Variants in PRKAR2B observed in about 807,000 individuals in gnomAD.
PRKAR2B encodes protein kinase cAMP-dependent type II regulatory subunit beta.
A neutral mutation model predicts 49.9 loss-of-function variants in PRKAR2B; 14 were observed. That is an observed-to-expected ratio of 0.28 (90% CI 0.19 to 0.44). PRKAR2B has a LOEUF of 0.44. PRKAR2B is among the 20% of genes least tolerant of loss of function. The pLI, the probability that PRKAR2B is intolerant of heterozygous loss-of-function variation, is 1.00. For synonymous variants in PRKAR2B, 196 were observed against 197.7 expected (o/e 0.99, Z 0.07); for missense variants, 393 against 537.9 (o/e 0.73, Z 2.67).
At chr7:107,146,171 G>A in intron 5 of PRKAR2B, 137 bp from the exon 6 acceptor site, 2 of 850,414 alleles carry the variant, frequency 2.4e-6, no homozygotes, top group Non-Finnish European at 1.8e-6. Flanking sequence ...GGCACAGATT[G>A]ATTCCCCTTT....
At chr7:107,137,494 A>G (rs1795719003) in intron 4 of PRKAR2B, among the ~76,000 whole-genome samples, 1 of 152,212 alleles carries the variant, frequency 6.6e-6, no homozygotes. Flanking sequence ...GTTTGTTTCC[A>G]GTCTTCTGCT....
chr7:107,088,759 C>T (rs1043673091), intron 2 of PRKAR2B, among the ~76,000 whole-genome samples: 7 of 152,022 alleles, frequency 4.6e-5, no homozygotes, highest in African/African-American at 1.7e-4. Flanking sequence ...GTTACCACGC[C>T]CGGCTAATTT....
chr7:107,128,368 C>T, intron 4 of PRKAR2B, 73 bp downstream of exon 4: 1 of 1,182,358 alleles, frequency 8.5e-7, no homozygotes, highest in South Asian at 1.3e-5. Flanking sequence ...TGTACAGGGT[C>T]TTGAGTTTTG....
rs1230663514 is a variant in PRKAR2B, at chr7:107,142,054, A to G, written c.587+1101A>G. Among the ~76,000 whole-genome samples, 9 of 152,230 alleles carry G rather than the reference A, an allele frequency of 5.9e-5. No homozygotes were observed. In the South Asian group the frequency reaches 1.0e-3, roughly 18 times the overall value. ...AACAATGATAAGTGTTCATGAGACAATTGGCATCCCTGACCCCTCCCCTTG... is the reference window on the plus strand; with the variant it reads ...AACAATGATAAGTGTTCATGAGACAGTTGGCATCCCTGACCCCTCCCCTTG... On this transcript the variant is annotated intron_variant, in intron 5 of 10. Coordinates refer to ENST00000265717, the MANE Select transcript of PRKAR2B (RefSeq NM_002736.3).
At chr7:107,106,777 AC>A (rs1252930836) in intron 2 of PRKAR2B, among the ~76,000 whole-genome samples, 1 of 151,348 alleles carries the variant, frequency 6.6e-6, no homozygotes, top group African/African-American at 2.4e-5. Flanking sequence ...ACCTGGCAGG[AC>A]CCCCCTCAGA....
Position 107,140,906 on chromosome 7 carries a change from T to C in PRKAR2B, c.540T>C (p.His180=). 1 of 1,613,256 alleles carries C rather than the reference T, an allele frequency of 6.2e-7. No homozygotes were observed. Among genetic ancestry groups the C allele is most frequent in the Non-Finnish European group, 8.5e-7 (1 of 1,179,516 alleles). The change falls in exon 5 of 11, where the codon CAT becomes CAC. Residue 180 remains histidine, a synonymous_variant. Transcript: ENST00000265717. ...AAAAATTGGTCAAAGATGGGGAGCA[T>C]GTAATTGATCAAGGTGACGATGGTG... The part of the protein sequence containing the change: ...MFEKLVKDGE[H]VIDQGDDGDN...
At chr7:107,153,294 A>G in intron 8 of PRKAR2B, 43 bp downstream of exon 8, 4 of 1,439,950 alleles carry the variant, frequency 2.8e-6, no homozygotes, top group Non-Finnish European at 3.8e-6. Context: ...GTTATATTCC[A>G]AAAGGTTCCT....
intron 5 of PRKAR2B, among the ~76,000 whole-genome samples, chr7:107,143,690 G>A (rs1795830803): frequency 6.6e-6 from 1 of 152,132 alleles, no homozygotes. Flanking sequence ...TGTCCACATG[G>A]GTGGTTGAGA....
chr7:107,123,984 T>A (rs1795436461), intron 3 of PRKAR2B, among the ~76,000 whole-genome samples: 1 of 152,162 alleles, frequency 6.6e-6, no homozygotes, highest in Non-Finnish European at 1.5e-5. Flanking sequence ...TATTACAGAT[T>A]TCAAAATTAT....
At chr7:107,054,816 C>CT (rs551645051) in intron 1 of PRKAR2B, among the ~76,000 whole-genome samples, 116 of 152,010 alleles carry the variant, frequency 7.6e-4, no homozygotes, top group African/African-American at 2.5e-3. Flanking sequence ...TTTAAATAGA[C>CT]TTTTTTTTAT....
intron 2 of PRKAR2B, among the ~76,000 whole-genome samples, chr7:107,097,123 C>T (rs1794855115): frequency 6.6e-6 from 1 of 152,118 alleles, no homozygotes; most frequent in Non-Finnish European, 1.5e-5. Flanking sequence ...TAAAGTCTCC[C>T]ATTATTATTG....
chr7:107,090,295 G>A (rs539569168), intron 2 of PRKAR2B, among the ~76,000 whole-genome samples: 102 of 152,262 alleles, frequency 6.7e-4, no homozygotes, highest in African/African-American at 2.4e-3. Flanking sequence ...ATATGGTGAG[G>A]AGCATCGCCA....
chr7:107,133,018 T>C (rs990359441), intron 4 of PRKAR2B, among the ~76,000 whole-genome samples: 1 of 152,228 alleles, frequency 6.6e-6, no homozygotes, highest in Non-Finnish European at 1.5e-5. Flanking sequence ...TGATAGGCTC[T>C]TTCATTAATG....
intron 2 of PRKAR2B, among the ~76,000 whole-genome samples, chr7:107,090,965 CAA>C (rs1269177250): frequency 6.6e-6 from 1 of 152,210 alleles, no homozygotes; most frequent in Admixed American, 6.5e-5. Context: ...ATTTACACCA[CAA>C]GTTTTTCAAA....
At chr7:107,115,667 G>GGAGAGAGAGAATAA (rs1251427820) in intron 2 of PRKAR2B, among the ~76,000 whole-genome samples, 1 of 152,016 alleles carries the variant, frequency 6.6e-6, no homozygotes, top group Admixed American at 6.6e-5. Flanking sequence ...AAAGAGAGAG[G>GGAGAGAGAGAATAA]GAGAGAGAGA....
intron 2 of PRKAR2B, among the ~76,000 whole-genome samples, chr7:107,074,994 T>C (rs1223674684): frequency 6.6e-6 from 1 of 152,114 alleles, no homozygotes; most frequent in Admixed American, 6.5e-5. Context: ...TGTATGTAAG[T>C]TGTTTACTTC....
chr7:107,092,020 G>C (rs951308569), intron 2 of PRKAR2B: 4 of 152,118 alleles, frequency 2.6e-5, no homozygotes, highest in African/African-American at 9.7e-5. Flanking sequence ...AGGTGGGAAT[G>C]GGTAGTGGAA....
chr7:107,159,522 T>C lies in PRKAR2B; in HGVS notation c.1197T>C (p.Tyr399=). ...MEIMKRNIAT[Y]EEQLVALFGT... is the part of the protein sequence containing the mutation. ...TTATGAAAAGGAACATCGCTACCTA[T>C]GAAGAACAGTTAGTTGCCCTGTTTG... Residue 399 remains tyrosine (Y), a synonymous_variant, in exon 11 of 11, where the codon TAT becomes TAC. Coordinates refer to ENST00000265717, the MANE Select transcript of PRKAR2B (RefSeq NM_002736.3). The C allele has an allele frequency of 6.2e-7, 1 of 1,614,082 alleles. No homozygotes were observed. The highest frequency in any genetic ancestry group is 2.2e-5 in the East Asian group (1 of 44,876).
intron 2 of PRKAR2B, chr7:107,077,899 C>T (rs560525247): frequency 6.6e-6 from 1 of 152,086 alleles, no homozygotes; most frequent in Non-Finnish European, 1.5e-5. Flanking sequence ...AGTAGATAAC[C>T]CATGAAGAAC....
Sources: gnomAD v4.1 joint callset for allele counts (sites outside exome capture counted in the v4.1 genomes callset) on GRCh38, gnomAD v4.1.1 for gene constraint, MANE v1.5 for transcripts, NCBI Gene and HGNC (gene_info 2026-07-23, HGNC 2026-07-21) for gene names.